SLC9A4: variants seen among roughly 807,000 people sequenced by gnomAD.
SLC9A4 encodes solute carrier family 9 member A4.
A neutral mutation model predicts 67.4 loss-of-function variants in SLC9A4; 63 were observed. That is an observed-to-expected ratio of 0.93 (90% CI 0.76 to 1.15). The LOEUF (loss-of-function observed/expected upper bound fraction) is 1.15. SLC9A4 is among the 50% of genes most tolerant of loss of function. SLC9A4 has a pLI of 0.00. For synonymous variants in SLC9A4, 393 were observed against 367.2 expected (o/e 1.07, Z -0.80); for missense variants, 1,089 against 987.7 (o/e 1.10, Z -1.38).
intron 2 of SLC9A4, among the ~76,000 whole-genome samples, chr2:102,487,871 C>T (rs998620003): frequency 6.6e-6 from 1 of 152,156 alleles, no homozygotes; most frequent in African/African-American, 2.4e-5. Flanking sequence ...GGCAGAAAAG[C>T]GCATGGGAGA....
chr2:102,518,192 C>G (rs951800655), intron 8 of SLC9A4, among the ~76,000 whole-genome samples: 14 of 152,192 alleles, frequency 9.2e-5, no homozygotes, highest in Non-Finnish European at 1.9e-4. Context: ...GTTCGTCCCC[C>G]CCAAAGTGGT....
chr2:102,533,467 G>A lies in SLC9A4; in HGVS notation c.*779G>A, dbSNP rs930625235. On this transcript the variant is annotated 3_prime_UTR_variant, in exon 12 of 12. Transcript: ENST00000295269. ...GTAGGGTGTGACATTTTACCCTAGG[G>A]TATAAAACTATTTTTCTTTTATTAT... The A allele has an allele frequency of 6.6e-6, 1 of 151,750 alleles. No individual in the cohort carries two copies. The highest frequency in any genetic ancestry group is 2.1e-4 in the South Asian group (1 of 4,812). 9.4% of individuals were successfully genotyped at this position (151,750 alleles called of 1,614,324 possible).
intron 1 of SLC9A4, among the ~76,000 whole-genome samples, chr2:102,477,085 A>C (rs1684349264): frequency 6.6e-6 from 1 of 152,204 alleles, no homozygotes; most frequent in Non-Finnish European, 1.5e-5. Flanking sequence ...ATTCCCAAGG[A>C]GATATTTGCT....
intron 9 of SLC9A4, among the ~76,000 whole-genome samples, chr2:102,524,752 C>A (rs1674624599): frequency 6.6e-6 from 1 of 152,186 alleles, no homozygotes; most frequent in Non-Finnish European, 1.5e-5. Flanking sequence ...CAGGCCAAGT[C>A]TGTGGGTAAC....
In SLC9A4 at chr2:102,503,700, A is replaced by C; in HGVS notation, c.973A>C (p.Ile325Leu). The C allele has an allele frequency of 6.2e-7, 1 of 1,614,104 alleles. No individual in the cohort carries two copies. Among genetic ancestry groups the C allele is most frequent in the South Asian group, 1.1e-5 (1 of 91,076 alleles). The change falls in exon 3 of 12, where the codon ATC becomes CTC. Residue 325 changes from isoleucine to leucine, a missense_variant. Transcript: ENST00000295269. ...TGCTGAAACCCTCTATCTCTCCGGC[A>C]TCCTGGCGTGAGTACAAACCAAGGA... is the stretch of plus-strand genomic sequence containing the variant. Reference protein sequence around the residue: ...LAAETLYLSGILAITACAVTM... With the variant: ...LAAETLYLSGLLAITACAVTM...
intron 8 of SLC9A4, among the ~76,000 whole-genome samples, chr2:102,514,714 T>A (rs1685240177): frequency 6.6e-6 from 1 of 152,160 alleles, no homozygotes; most frequent in Admixed American, 6.5e-5. Flanking sequence ...GCAAGAGGTG[T>A]GGTCATTGGT....
chr2:102,487,875 T>A (rs1457151250), intron 2 of SLC9A4, among the ~76,000 whole-genome samples: 1 of 152,206 alleles, frequency 6.6e-6, no homozygotes, highest in African/African-American at 2.4e-5. Flanking sequence ...GAAAAGCGCA[T>A]GGGAGAAGTT....
chr2:102,524,728 G>C (rs908479285), intron 9 of SLC9A4, among the ~76,000 whole-genome samples: 4 of 152,194 alleles, frequency 2.6e-5, no homozygotes, highest in African/African-American at 9.6e-5. Flanking sequence ...GGAAAGGAAA[G>C]TGTATGTAAG....
intron 1 of SLC9A4, 68 bp from the exon 2 acceptor site, chr2:102,478,771 T>G: frequency 6.7e-7 from 1 of 1,499,226 alleles, no homozygotes; most frequent in Non-Finnish European, 9.0e-7. Flanking sequence ...TGCTTGACTT[T>G]AAAAGACCTC....
chr2:102,524,014 G>T (rs1165422553), intron 9 of SLC9A4, among the ~76,000 whole-genome samples: 1 of 152,190 alleles, frequency 6.6e-6, no homozygotes, highest in African/African-American at 2.4e-5. Context: ...TTAGCTGCAC[G>T]CATAGCATCT....
chr2:102,504,929 G>A (rs566916549), intron 3 of SLC9A4, among the ~76,000 whole-genome samples: 5 of 105,884 alleles, frequency 4.7e-5, no homozygotes, highest in African/African-American at 1.9e-4. Context: ...CAGAGAGTGT[G>A]AGTTGGGACT....
chr2:102,516,992 C>A (rs540961631), intron 8 of SLC9A4, among the ~76,000 whole-genome samples: 115 of 152,276 alleles, frequency 7.6e-4, no homozygotes, highest in Non-Finnish European at 1.4e-3. Context: ...AAAGTAACTT[C>A]ATTGTAGTCT....
intron 2 of SLC9A4, among the ~76,000 whole-genome samples, chr2:102,491,503 A>T (rs1007000091): frequency 2.0e-5 from 3 of 151,948 alleles, no homozygotes; most frequent in African/African-American, 7.2e-5. Context: ...CAGGCAAGAG[A>T]GCATGTACAG....
chr2:102,478,632 T>C (rs916350549), intron 1 of SLC9A4, among the ~76,000 whole-genome samples: 4 of 152,180 alleles, frequency 2.6e-5, no homozygotes, highest in Admixed American at 6.5e-5. Flanking sequence ...CTGTGAATGA[T>C]TCTGTGACCT....
chr2:102,514,211 A>G lies in SLC9A4; in HGVS notation c.1681A>G (p.Thr561Ala). 1 of 1,614,092 alleles carries G rather than the reference A, an allele frequency of 6.2e-7. No individual in the cohort carries two copies. Residue 561 changes from threonine (T) to alanine (A), a missense_variant, in exon 8 of 12, where the codon ACT becomes GCT. Thr to Ala is a moderately conservative substitution (Grantham distance 58). Coordinates refer to ENST00000295269, the MANE Select transcript of SLC9A4 (RefSeq NM_001011552.4). ...EMKQAIEMVE[T>A]GILSSTAFSI... ...GAAGCAAGCCATCGAGATGGTGGAG[A>G]CTGGGATACTGAGCTCTACAGCTTT...
chr2:102,478,008 G>A (rs1265274587), intron 1 of SLC9A4, among the ~76,000 whole-genome samples: 1 of 152,196 alleles, frequency 6.6e-6, no homozygotes, highest in Non-Finnish European at 1.5e-5. Context: ...CCACCTGGCG[G>A]TACTTAACAT....
In SLC9A4 at chr2:102,473,982, C is replaced by G; in HGVS notation, c.223C>G (p.Leu75Val). Reference protein sequence around the residue: ...DYVQIPYEVTLWILLASLAKI... With the variant: ...DYVQIPYEVTVWILLASLAKI... Reference sequence around the variant, plus strand: ...TGTGCAAATTCCTTATGAGGTCACTCTCTGGATACTTCTAGCATCCCTTGC... The same window carrying G: ...TGTGCAAATTCCTTATGAGGTCACTGTCTGGATACTTCTAGCATCCCTTGC... The change falls in exon 1 of 12, where the codon CTC (leucine) becomes GTC (valine). Residue 75 changes from leucine to valine, a missense_variant. Transcript: ENST00000295269. 1 of 1,613,982 alleles carries G rather than the reference C, an allele frequency of 6.2e-7. No individual in the cohort carries two copies. The highest frequency in any genetic ancestry group is 8.5e-7 in the Non-Finnish European group (1 of 1,179,910).
chr2:102,496,006 C>A (rs1684800287), intron 2 of SLC9A4, among the ~76,000 whole-genome samples: 1 of 151,816 alleles, frequency 6.6e-6, no homozygotes, highest in South Asian at 2.1e-4. Flanking sequence ...AATCAAAACA[C>A]ACACAAAAAA....
At chr2:102,494,789 A>G (rs944740494) in intron 2 of SLC9A4, among the ~76,000 whole-genome samples, 7 of 152,160 alleles carry the variant, frequency 4.6e-5, no homozygotes, top group African/African-American at 1.7e-4. Context: ...GAATACCTAA[A>G]AATTGTACAT....
Sources: gnomAD v4.1 joint callset for allele counts (sites outside exome capture counted in the v4.1 genomes callset) on GRCh38, gnomAD v4.1.1 for gene constraint, MANE v1.5 for transcripts, NCBI Gene and HGNC (gene_info 2026-07-23, HGNC 2026-07-21) for gene names.